Variants in SZT2 observed in about 807,000 individuals in gnomAD.
SZT2 encodes the protein KICSTOR complex protein SZT2.
Under a neutral mutation model 404.2 loss-of-function variants are expected in SZT2, and 216 were observed. The ratio of observed to expected loss-of-function variants is 0.53; its 90% CI spans 0.48 to 0.60. The LOEUF (loss-of-function observed/expected upper bound fraction) is 0.60. SZT2 is among the 20% of genes least tolerant of loss of function. The probability of loss-of-function intolerance (pLI) is 0.00; values close to 1 mark genes in which losing one functional copy is unlikely to be tolerated. For missense variants in SZT2, 3,857 were observed against 4,459.2 expected (o/e 0.86, Z 3.85); for synonymous variants, 1,693 against 1,749.9 (o/e 0.97, Z 0.81).
rs537199503 is a variant in SZT2, at chr1:43,430,981, G to T, written c.4807G>T (p.Val1603Phe). 3.3e-5 allele frequency: 53 copies of T among 1,614,112 alleles called. 2 individuals carry two copies. In the South Asian group the frequency reaches 5.3e-4, roughly 16 times the overall value. ...QVLSSLEGPP[V>F]GGRVPLRDLS... ...GCTTTCCAGTCTGGAGGGCCCCCCA[G>T]TTGGAGGCCGAGTTCCCTTGAGGGA... The change falls in exon 33 of 72, where the codon GTT (valine) becomes TTT (phenylalanine). Residue 1603 changes from valine (V) to phenylalanine (F), a missense_variant. Physicochemically the swap from Val to Phe is conservative, Grantham distance 50. Transcript: ENST00000634258.
At position 43,435,344 on chromosome 1, in the gene SZT2, A is replaced by G; in HGVS notation, c.6034+15A>G. Reference sequence around the variant, plus strand: ...GCCCAGTGATGGTGAGATCCCACCCAGGAGCCTCCCTCACAAGGCAGTGCT... The same window carrying G: ...GCCCAGTGATGGTGAGATCCCACCCGGGAGCCTCCCTCACAAGGCAGTGCT... On this transcript the variant is annotated intron_variant, in intron 42 of 71. Coordinates refer to ENST00000634258, the MANE Select transcript of SZT2 (RefSeq NM_001365999.1). 1 of 1,613,498 alleles carries G rather than the reference A, an allele frequency of 6.2e-7. No homozygotes were observed.
chr1:43,400,879 A>T (rs552337424), intron 1 of SZT2, among the ~76,000 whole-genome samples: 1 of 152,320 alleles, frequency 6.6e-6, no homozygotes, highest in South Asian at 2.1e-4. Context: ...TCTCAAAAAA[A>T]AAAAAAGAAC....
rs747095112 is a variant in SZT2 at position 43,421,215 on chromosome 1, TCTC to T, written c.1542_1544del (p.Ser515del). On this transcript the variant is annotated inframe_deletion, in exon 11 of 72. Transcript: ENST00000634258. ...CAGATGCTTGCCCACCTTCAGTCCT[TCTC>T]CTCAGTGCCTGAGCATTTCACGCTT... 31 of 1,598,452 alleles carry T rather than the reference TCTC, an allele frequency of 1.9e-5. No homozygotes were observed. Among genetic ancestry groups the T allele is most frequent in the Non-Finnish European group, 2.5e-5 (29 of 1,179,802 alleles).
chr1:43,404,097 C>A, intron 3 of SZT2: 1 of 513,398 alleles, frequency 1.9e-6, no homozygotes, highest in Non-Finnish European at 3.5e-6. Flanking sequence ...GTCCTAGCTA[C>A]TCGGGAGGCT....
Position 43,427,324 on chromosome 1 carries a change from A to C in SZT2, c.3477A>C (p.Gln1159His), listed in dbSNP as rs770193093. ...CCTGTGGCCTGGAGGGACCCCCTCA[A>C]GAGGAGACAAAGCCTAAGTTTGGGG... is the stretch of plus-strand genomic sequence containing the variant. The part of the protein sequence containing the change: ...LAACGLEGPP[Q>H]EETKPKFGDW... The change falls in exon 25 of 72, where the codon CAA becomes CAC. Residue 1159 changes from glutamine (Q) to histidine (H), a missense_variant. This residue lies in a region of SZT2 where 1,725 missense variants were observed against 1,881.0 expected (regional missense o/e 0.92). Coordinates refer to ENST00000634258, the MANE Select transcript of SZT2 (RefSeq NM_001365999.1). The C allele has an allele frequency of 6.2e-7, 1 of 1,613,754 alleles. No individual in the cohort carries two copies. Among genetic ancestry groups the C allele is most frequent in the Non-Finnish European group, 8.5e-7 (1 of 1,179,872 alleles).
Position 43,432,351 on chromosome 1 carries a change from A to G in SZT2, c.5354A>G (p.Gln1785Arg). 6.2e-7 allele frequency: 1 copy of G among 1,607,524 alleles called. No homozygotes were observed. ...GGCTTCTTCTTTGTGGCAGCTGGCC[A>G]ACAGCCAGGTGGGTCCCATGGGGAG... is the stretch of plus-strand genomic sequence containing the variant. ...DSGFFFVAAG[Q>R]QPGGSHGEPS... is the part of the protein sequence containing the mutation. The change falls in exon 37 of 72, where the codon CAA becomes CGA. Residue 1785 changes from glutamine to arginine, a missense_variant. Transcript: ENST00000634258.
Position 43,419,826 on chromosome 1 carries a change from C to T in SZT2, c.972C>T (p.Tyr324=). The change falls in exon 8 of 72, where the codon TAC becomes TAT. Residue 324 remains tyrosine, a synonymous_variant. Coordinates refer to ENST00000634258, the MANE Select transcript of SZT2 (RefSeq NM_001365999.1). ...TCGCAATGGCAACATTTGGGTCCTA[C>T]CTGTCCACTTGTCCTGAGCCGGAGC... ...KFIAMATFGS[Y]LSTCPEPEPG... 1 of 1,598,490 alleles carries T rather than the reference C, an allele frequency of 6.3e-7. No individual in the cohort carries two copies. Among genetic ancestry groups the T allele is most frequent in the Non-Finnish European group, 8.5e-7 (1 of 1,179,802 alleles).
rs376726368 is a variant in SZT2 at position 43,452,289 on chromosome 1, C to G, written c.*1809C>G. 4 of 1,614,074 alleles carry G rather than the reference C, an allele frequency of 2.5e-6. No homozygotes were observed. The highest frequency in any genetic ancestry group is 1.3e-5 in the African/African-American group (1 of 75,064). On this transcript the variant is annotated 3_prime_UTR_variant, in exon 72 of 72. Transcript: ENST00000634258. ...CCTTGACTGCTATTCGATCAGCTCC[C>G]TGGGGTACTCGGCCAGCCATCAGGT...
At chr1:43,391,881 A>ATTTAAC (rs1648387640) in intron 1 of SZT2, among the ~76,000 whole-genome samples, 1 of 80,366 alleles carries the variant, frequency 1.2e-5, no homozygotes, top group African/African-American at 5.0e-5. Context: ...GGAGATCGAG[A>ATTTAAC]CCATCCTGGC....
rs756177220 is a variant in SZT2, at chr1:43,442,321, A to G, written c.7927A>G (p.Asn2643Asp). The change falls in exon 57 of 72, where the codon AAT becomes GAT. Residue 2643 changes from asparagine (N) to aspartate (D), a missense_variant. This residue lies in a region of SZT2 where 573 missense variants were observed against 592.4 expected (regional missense o/e 0.97). Transcript: ENST00000634258. The surrounding 1 kb of genome is among the most constrained non-coding windows in gnomAD (Gnocchi z 4.5). ...EPGGDGSSGRNAPRQRLLLLE... is the reference protein window; with the variant it reads ...EPGGDGSSGRDAPRQRLLLLE... ...AGGAGGTGATGGGAGCTCAGGGCGA[A>G]ATGCTCCCCGGCAGAGGCTCTTGCT... 6.2e-7 allele frequency: 1 copy of G among 1,614,090 alleles called. No individual in the cohort carries two copies. Among genetic ancestry groups the G allele is most frequent in the Non-Finnish European group, 8.5e-7 (1 of 1,180,004 alleles).
Position 43,416,602 on chromosome 1 carries a change from C to G in SZT2, c.840C>G (p.Asn280Lys). 1.3e-6 allele frequency: 2 copies of G among 1,598,304 alleles called. No homozygotes were observed. Among genetic ancestry groups the G allele is most frequent in the Non-Finnish European group, 1.7e-6 (2 of 1,179,764 alleles). Reference sequence around the variant, plus strand: ...TTGCTGTCTGTGAGACACTGCTGAACCAGCTTCGCAGTGGCACTGTGGCTT... The same window carrying G: ...TTGCTGTCTGTGAGACACTGCTGAAGCAGCTTCGCAGTGGCACTGTGGCTT... The part of the protein sequence containing the change: ...PDVAVCETLL[N>K]QLRSGTVACS... The change falls in exon 7 of 72, where the codon AAC becomes AAG. Residue 280 changes from asparagine (N) to lysine (K), a missense_variant. Physicochemically the swap from Asn to Lys is moderately conservative, Grantham distance 94. Coordinates refer to ENST00000634258, the MANE Select transcript of SZT2 (RefSeq NM_001365999.1).
chr1:43,445,871 T>C lies in SZT2; in HGVS notation c.8826-23T>C, dbSNP rs1057144913. The stretch of plus-strand genomic sequence containing the variant: ...CATGCCACTAGCCTGCCTCATCCTC[T>C]TATCCCTCCTCCTTTTCTATAGCAC... On this transcript the variant is annotated intron_variant, in intron 62 of 71. Coordinates refer to ENST00000634258, the MANE Select transcript of SZT2 (RefSeq NM_001365999.1). 2.5e-6 allele frequency: 4 copies of C among 1,612,158 alleles called. No individual in the cohort carries two copies. In the African/African-American group the frequency reaches 4.0e-5, roughly 16 times the overall value.
In SZT2 at chr1:43,424,181, T is replaced by G; in HGVS notation, c.2256-36T>G. ...TGGAAGGGCGTGGCTTAGCCGGGGATGAGAGAGATAGCTGGGGAGTTGTCC... is the reference window on the plus strand; with the variant it reads ...TGGAAGGGCGTGGCTTAGCCGGGGAGGAGAGAGATAGCTGGGGAGTTGTCC... On this transcript the variant is annotated intron_variant, in intron 15 of 71. Transcript: ENST00000634258. The surrounding 1 kb of genome is among the most constrained non-coding windows in gnomAD (Gnocchi z 4.1). 158 of 1,568,922 alleles carry G rather than the reference T, an allele frequency of 1.0e-4. No individual in the cohort carries two copies. Among genetic ancestry groups the G allele is most frequent in the Middle Eastern group, 1.7e-4 (1 of 5,962 alleles).
Position 43,447,012 on chromosome 1 carries a change from T to C in SZT2, c.9130T>C (p.Ser3044Pro). ...GGTGCGGGACCTGATGCACGTGCAC[T>C]CGTTCAGCTATGACTTCCATCTGCG... Reference protein sequence around the residue: ...DKVRDLMHVHSFSYDFHLRLV... With the variant: ...DKVRDLMHVHPFSYDFHLRLV... Residue 3044 changes from serine (S) to proline (P), a missense_variant, in exon 66 of 72, where the codon TCG becomes CCG. Ser to Pro is a moderately conservative substitution (Grantham distance 74). Around this residue, in one of 7 missense-constraint regions of SZT2, gnomAD observed 717 missense variants for 868.2 expected, o/e 0.83. Coordinates refer to ENST00000634258, the MANE Select transcript of SZT2 (RefSeq NM_001365999.1). 1 of 1,613,912 alleles carries C rather than the reference T, an allele frequency of 6.2e-7. No homozygotes were observed. Among genetic ancestry groups the C allele is most frequent in the Non-Finnish European group, 8.5e-7 (1 of 1,180,034 alleles).
In SZT2 at chr1:43,428,420, C is replaced by T. The variant is rs1653449148; in HGVS notation, c.4100C>T (p.Pro1367Leu). 2.5e-6 allele frequency: 4 copies of T among 1,614,014 alleles called. No homozygotes were observed. The East Asian group carries it at 8.9e-5, about 36-fold the overall frequency. The change falls in exon 28 of 72, where the codon CCC becomes CTC. Residue 1367 changes from proline (P) to leucine (L), a missense_variant. By Grantham distance (98) the Pro-to-Leu change is moderately conservative. Around this residue, in one of 7 missense-constraint regions of SZT2, gnomAD observed 1,725 missense variants for 1,881.0 expected, o/e 0.92. Transcript: ENST00000634258. ...AGTCCTGGTCCTCTCAGCCCTGGGC[C>T]CTTCAGCAGCAGCATGGAGGAGGGT... ...PPSPGPLSPGPFSSSMEEGAE... is the reference protein window; with the variant it reads ...PPSPGPLSPGLFSSSMEEGAE...
intron 7 of SZT2, among the ~76,000 whole-genome samples, chr1:43,418,745 G>A (rs1434504638): frequency 6.6e-6 from 1 of 152,190 alleles, no homozygotes; most frequent in African/African-American, 2.4e-5. Flanking sequence ...TGAATGTAGG[G>A]TCCAAGCTGG....
At chr1:43,405,716 C>A (rs145100819) in intron 4 of SZT2, 1 of 152,318 alleles carries the variant, frequency 6.6e-6, no homozygotes, top group East Asian at 1.9e-4. Context: ...CCTAGTATAG[C>A]CGTTAGGACT....
In SZT2 at chr1:43,403,622, G is replaced by A. The variant is rs781075085; in HGVS notation, c.175G>A (p.Glu59Lys). 6.2e-7 allele frequency: 1 copy of A among 1,613,466 alleles called. No individual in the cohort carries two copies. Among genetic ancestry groups the A allele is most frequent in the East Asian group, 2.2e-5 (1 of 44,824 alleles). The change falls in exon 3 of 72, where the codon GAA (glutamate) becomes AAA (lysine). Residue 59 changes from glutamate to lysine, a missense_variant. Coordinates refer to ENST00000634258, the MANE Select transcript of SZT2 (RefSeq NM_001365999.1). ...TCAGCTTCAGTCTGAACAGGAATTG[G>A]AAGTCCTCAGTGTCCTGCCCCCTGG... ...EMLLQSEQEL[E>K]VLSVLPPGWQ...
chr1:43,390,883 G>C (rs1403337693), intron 1 of SZT2, among the ~76,000 whole-genome samples: 2 of 152,226 alleles, frequency 1.3e-5, no homozygotes, highest in Non-Finnish European at 2.9e-5. Flanking sequence ...GATAGAAATA[G>C]TATTCATTAC....
Sources: gnomAD v4.1 joint callset for allele counts (sites outside exome capture counted in the v4.1 genomes callset) on GRCh38, gnomAD v4.1.1 for gene constraint, gnomAD v4.1.1 regional missense constraint, Gnocchi (gnomAD v3.1) non-coding constraint, MANE v1.5 for transcripts, NCBI Gene and HGNC (gene_info 2026-07-23, HGNC 2026-07-21) for gene names.